The following MGAM2 variants were observed in gnomAD, a reference collection of about 807,000 sequenced individuals.
MGAM2 encodes probable maltase-glucoamylase 2.
MGAM2 carries 98 observed loss-of-function variants against 96.1 expected under a neutral mutation model. The ratio of observed to expected loss-of-function variants is 1.02; its 90% CI spans 0.87 to 1.21. The LOEUF (loss-of-function observed/expected upper bound fraction) is 1.21. Ranked by LOEUF, MGAM2 falls within the 50% of genes most tolerant of loss-of-function variation. The probability of loss-of-function intolerance (pLI) is 0.00; values close to 1 mark genes in which losing one functional copy is unlikely to be tolerated. For missense variants in MGAM2, 2,055 were observed against 1,182.4 expected (o/e 1.74, Z -10.82); for synonymous variants, 749 against 414.8 (o/e 1.81, Z -9.79).
chr7:142,155,080 A>G (rs1795698780), intron 17 of MGAM2, among the ~76,000 whole-genome samples: 1 of 152,166 alleles, frequency 6.6e-6, no homozygotes, highest in African/African-American at 2.4e-5. Context: ...AAGTGAGAAG[A>G]TTTGTTAAAG....
At position 142,134,143 on chromosome 7, in the gene MGAM2, C is replaced by A. The variant is rs566945779; in HGVS notation, c.738C>A (p.Thr246=). Residue 246 remains threonine, a synonymous_variant, in exon 7 of 48, where the codon ACC becomes ACA. Coordinates refer to ENST00000477922, the MANE Select transcript of MGAM2 (RefSeq NM_001293626.2). Reference sequence around the variant, plus strand: ...GGCCCATCTTCACCCGGGACGCTACCCCCACCGAGGTGAGGTGGCTTTCCT... The same window carrying A: ...GGCCCATCTTCACCCGGGACGCTACACCCACCGAGGTGAGGTGGCTTTCCT... The part of the protein sequence containing the change: ...KTWPIFTRDA[T]PTEGMINLYG... 3 of 745,350 alleles carry A rather than the reference C, an allele frequency of 4.0e-6. No homozygotes were observed. Among genetic ancestry groups the A allele is most frequent in the Non-Finnish European group, 7.4e-6 (3 of 407,510 alleles). The allele number at this position is 745,350 out of a possible 1,614,324, so 46.2% of individuals were successfully genotyped here. A position where few individuals can be genotyped will look rare whatever the true frequency, so the allele number is the denominator to read the frequency against.
intron 6 of MGAM2, among the ~76,000 whole-genome samples, chr7:142,133,519 G>A (rs1394055392): frequency 6.6e-6 from 1 of 151,884 alleles, no homozygotes; most frequent in African/African-American, 2.4e-5. Flanking sequence ...GGAGTAAACA[G>A]AAGTATTAGT....
intron 37 of MGAM2, among the ~76,000 whole-genome samples, chr7:142,193,556 C>T (rs1796937096): frequency 6.6e-6 from 1 of 152,158 alleles, no homozygotes; most frequent in Admixed American, 6.5e-5. Context: ...ATGCTACATC[C>T]TCTGCTGACC....
At chr7:142,134,598 G>T (rs577761504) in intron 7 of MGAM2, among the ~76,000 whole-genome samples, 2 of 152,100 alleles carry the variant, frequency 1.3e-5, no homozygotes, top group South Asian at 4.1e-4. Context: ...AAACGTCAGC[G>T]TTGGCATTAC....
rs772434582 is a variant in MGAM2 at position 142,136,600 on chromosome 7, C to G, written c.807C>G (p.Gly269=). 1.4e-6 allele frequency: 1 copy of G among 702,684 alleles called. No homozygotes were observed. Among genetic ancestry groups the G allele is most frequent in the Admixed American group, 2.0e-5 (1 of 49,904 alleles). The allele number at this position is 702,684 out of a possible 1,614,324, so 43.5% of individuals were successfully genotyped here. A position where few individuals can be genotyped will look rare whatever the true frequency, so the allele number is the denominator to read the frequency against. ...TFFLCLEDAR[G]SSFGVFLMNS... ...TCTTGTGCCTTGAAGATGCCAGGGG[C>G]TCCTCTTTTGGAGTATTTCTGATGA... The change falls in exon 8 of 48, where the codon GGC becomes GGG. Residue 269 remains glycine, a synonymous_variant. Transcript: ENST00000477922.
intron 1 of MGAM2, among the ~76,000 whole-genome samples, chr7:142,116,588 A>G (rs954947260): frequency 6.6e-6 from 1 of 152,214 alleles, no homozygotes; most frequent in African/African-American, 2.4e-5. Flanking sequence ...GTTATTCCAC[A>G]ACATTTTCCC....
In MGAM2 at chr7:142,196,198, G is replaced by A. The variant is rs750483353; in HGVS notation, c.4391G>A (p.Arg1464His). 17 of 1,194,902 alleles carry A rather than the reference G, an allele frequency of 1.4e-5. No homozygotes were observed. Among genetic ancestry groups the A allele is most frequent in the South Asian group, 1.3e-5 (1 of 76,796 alleles). The allele number at this position is 1,194,902 out of a possible 1,614,324, so 74.0% of individuals were successfully genotyped here. ...GGACAGCGAGGGGTCATCATCACCC[G>A]CTCCACATTTCCCTCTTCTGGACGC... ...VTGQRGVIIT[R>H]STFPSSGRWG... is the part of the protein sequence containing the mutation. Residue 1464 changes from arginine (R) to histidine (H), a missense_variant, in exon 38 of 48, where the codon CGC becomes CAC. Coordinates refer to ENST00000477922, the MANE Select transcript of MGAM2 (RefSeq NM_001293626.2).
At chr7:142,179,188 A>T (rs972350104) in intron 32 of MGAM2, among the ~76,000 whole-genome samples, 16 of 152,094 alleles carry the variant, frequency 1.1e-4, no homozygotes, top group Non-Finnish European at 2.4e-4. Flanking sequence ...AATGCTACTA[A>T]TTTTTGTACA....
Position 142,197,541 on chromosome 7 carries a change from C to G in MGAM2, c.4774C>G (p.Leu1592Val), listed in dbSNP as rs532848047. ...VEGSTVVRPL[L>V]HEFTDDRTTW... Reference sequence around the variant, plus strand: ...GGGCAGCACAGTTGTCCGGCCCCTTCTCCATGAGTGAGTACAGCCTCTTTC... The same window carrying G: ...GGGCAGCACAGTTGTCCGGCCCCTTGTCCATGAGTGAGTACAGCCTCTTTC... The change falls in exon 41 of 48, where the codon CTC (leucine) becomes GTC (valine). Residue 1592 changes from leucine (L) to valine (V), a missense_variant. Leu to Val is a conservative substitution (Grantham distance 32). Transcript: ENST00000477922. The G allele has an allele frequency of 1.4e-5, 10 of 703,060 alleles. No individual in the cohort carries two copies. The highest frequency in any genetic ancestry group is 1.3e-4 in the East Asian group (5 of 37,286). 43.6% of individuals were successfully genotyped at this position (703,060 alleles called of 1,614,324 possible). A position where few individuals can be genotyped will look rare whatever the true frequency, so the allele number is the denominator to read the frequency against.
chr7:142,142,835 A>C (rs1000043737), intron 12 of MGAM2, among the ~76,000 whole-genome samples: 5 of 152,184 alleles, frequency 3.3e-5, no homozygotes, highest in African/African-American at 1.2e-4. Context: ...GGCGTGAGCC[A>C]CCATGCCAGT....
intron 19 of MGAM2, 94 bp downstream of exon 19, chr7:142,158,426 A>G: frequency 3.2e-6 from 2 of 630,428 alleles, no homozygotes; most frequent in South Asian, 1.9e-5. Context: ...GACTGCATTT[A>G]TATCAAAATA....
chr7:142,120,452 G>C (rs1563246136), intron 3 of MGAM2, 71 bp downstream of exon 3: 2 of 675,006 alleles, frequency 3.0e-6, no homozygotes, highest in Non-Finnish European at 5.4e-6. Flanking sequence ...GTGAAGTGGG[G>C]AAAGGGTGGG....
At chr7:142,131,882 A>G in intron 5 of MGAM2, 49 bp from the exon 6 acceptor site, 1 of 673,346 alleles carries the variant, frequency 1.5e-6, no homozygotes, top group Non-Finnish European at 2.7e-6. Flanking sequence ...CTCTGTCTAC[A>G]AGGAAGTGGT....
At chr7:142,140,231 C>G (rs1795181185) in intron 10 of MGAM2, among the ~76,000 whole-genome samples, 1 of 152,122 alleles carries the variant, frequency 6.6e-6, no homozygotes, top group African/African-American at 2.4e-5. Context: ...ACTGAACTCC[C>G]CTACATTTCA....
chr7:142,125,416 C>T (rs2129075483), intron 3 of MGAM2, among the ~76,000 whole-genome samples: 1 of 152,218 alleles, frequency 6.6e-6, no homozygotes, highest in Non-Finnish European at 1.5e-5. Context: ...GGTCTGTGGA[C>T]TTTGAAACAA....
At chr7:142,134,576 AG>A in intron 7 of MGAM2, among the ~76,000 whole-genome samples, 1 of 152,202 alleles carries the variant, frequency 6.6e-6, no homozygotes, top group East Asian at 1.9e-4. Flanking sequence ...TGCTAGTGAA[AG>A]TGTGTTTCAG....
chr7:142,183,416 T>G (rs1244226653), intron 33 of MGAM2, 43 bp downstream of exon 33: 1 of 693,558 alleles, frequency 1.4e-6, no homozygotes, highest in South Asian at 1.5e-5. Context: ...AACATTACAA[T>G]GTCTTGAAAT....
At chr7:142,171,635 T>C (rs1585184959) in intron 28 of MGAM2, among the ~76,000 whole-genome samples, 195 bp downstream of exon 28, 5 of 78,292 alleles carry the variant, frequency 6.4e-5, no homozygotes, top group African/African-American at 1.2e-4. Context: ...TATATATATA[T>C]ATATATATAT....
rs1797936726 is a variant in MGAM2, at chr7:142,221,725, T to C, written c.7214T>C (p.Leu2405Ser). 1 of 410,428 alleles carries C rather than the reference T, an allele frequency of 2.4e-6. No homozygotes were observed. The highest frequency in any genetic ancestry group is 4.3e-6 in the Non-Finnish European group (1 of 232,264). 25.4% of individuals were successfully genotyped at this position (410,428 alleles called of 1,614,324 possible). A position where few individuals can be genotyped will look rare whatever the true frequency, so the allele number is the denominator to read the frequency against. ...TTTLALSHTS[L>S]APTNLSNLGT... The stretch of plus-strand genomic sequence containing the variant: ...ACACTGGCCTTAAGCCACACCTCAT[T>C]AGCTCCTACAAATCTTTCTAATCTA... The change falls in exon 48 of 48, where the codon TTA becomes TCA. Residue 2405 changes from leucine to serine, a missense_variant. Coordinates refer to ENST00000477922, the MANE Select transcript of MGAM2 (RefSeq NM_001293626.2).
Sources: gnomAD v4.1 joint callset for allele counts (sites outside exome capture counted in the v4.1 genomes callset) on GRCh38, gnomAD v4.1.1 for gene constraint, MANE v1.5 for transcripts, NCBI Gene and HGNC (gene_info 2026-07-23, HGNC 2026-07-21) for gene names.